ZPBP: variants seen among roughly 807,000 people sequenced by gnomAD.
The protein encoded by ZPBP is zona pellucida-binding protein 1.
A neutral mutation model predicts 44.8 loss-of-function variants in ZPBP; 26 were observed. That is an observed-to-expected ratio of 0.58 (90% CI 0.43 to 0.81). The LOEUF (loss-of-function observed/expected upper bound fraction) is 0.81. ZPBP is among the 30% of genes least tolerant of loss of function. The pLI, the probability that ZPBP is intolerant of heterozygous loss-of-function variation, is 0.00. For missense variants in ZPBP, 409 were observed against 434.0 expected (o/e 0.94, Z 0.51); for synonymous variants, 174 against 153.2 (o/e 1.14, Z -1.00).
intron 6 of ZPBP, among the ~76,000 whole-genome samples, chr7:49,998,892 A>G (rs567927129): frequency 2.0e-5 from 3 of 152,256 alleles, no homozygotes; most frequent in African/African-American, 7.2e-5. Flanking sequence ...CACACCACAC[A>G]CAAATGCACA....
chr7:50,071,784 C>A (rs1801851723), intron 3 of ZPBP, among the ~76,000 whole-genome samples: 1 of 151,992 alleles, frequency 6.6e-6, no homozygotes, highest in African/African-American at 2.4e-5. Flanking sequence ...AGGGAACCTG[C>A]TGCCTTAAAA....
chr7:50,016,248 A>G (rs1045703142), intron 6 of ZPBP, among the ~76,000 whole-genome samples: 4 of 152,204 alleles, frequency 2.6e-5, no homozygotes, highest in African/African-American at 9.6e-5. Context: ...GAACTAAATT[A>G]TGTCCTTTGC....
In ZPBP at chr7:49,874,879, C is replaced by T. The variant is rs976175333; in HGVS notation, n.510-24365G>A. On this transcript the variant is annotated intron_variant and non_coding_transcript_variant, in intron 2 of 2. Coordinates refer to the ZPBP transcript ENST00000465922. ...TTCAGAGAGTATGGCCAGAACCTGC[C>T]TGTTGGTTCTTCCTATTTGTATGAG... 1.1e-3 allele frequency among the ~76,000 whole-genome samples: 162 copies of T among 152,050 alleles called. 2 individuals carry two copies. The highest frequency in any genetic ancestry group is 2.5e-4 in the Non-Finnish European group (17 of 68,008).
At chr7:50,034,870 T>C (rs973404761) in intron 4 of ZPBP, among the ~76,000 whole-genome samples, 2 of 152,230 alleles carry the variant, frequency 1.3e-5, no homozygotes, top group African/African-American at 2.4e-5. Flanking sequence ...TAAAACTTTC[T>C]AAAACTAAAG....
chr7:50,072,387 C>G (rs955199772), intron 3 of ZPBP, among the ~76,000 whole-genome samples: 1 of 152,216 alleles, frequency 6.6e-6, no homozygotes, highest in Non-Finnish European at 1.5e-5. Flanking sequence ...TCCCTGAATC[C>G]CAGACAGCAC....
chr7:50,002,208 C>T (rs1213603130), intron 6 of ZPBP, among the ~76,000 whole-genome samples: 1 of 152,100 alleles, frequency 6.6e-6, no homozygotes, highest in Non-Finnish European at 1.5e-5. Context: ...TCTTACATGG[C>T]AGCAGGCAAG....
chr7:50,066,424 G>A lies in ZPBP; in HGVS notation c.335-8283C>T, dbSNP rs182220523. Among the ~76,000 whole-genome samples, 39 of 138,404 alleles carry A rather than the reference G, an allele frequency of 2.8e-4. 1 individual carries two copies. The highest frequency in any genetic ancestry group is 2.4e-3 in the Admixed American group (34 of 14,384). 90.8% of individuals were successfully genotyped at this position (138,404 alleles called of 152,430 possible). On this transcript the variant is annotated intron_variant, in intron 3 of 7. Coordinates refer to ENST00000046087, the MANE Select transcript of ZPBP (RefSeq NM_007009.3). ...CTAACCTGGTTCCTGTATATTTATAGTAGGTATGGTAGAGTTGTAACTATG... is the reference window on the plus strand; with the variant it reads ...CTAACCTGGTTCCTGTATATTTATAATAGGTATGGTAGAGTTGTAACTATG...
At position 49,958,712 on chromosome 7, in the gene ZPBP, T is replaced by C. The variant is rs368603497; in HGVS notation, c.962-21090A>G. On this transcript the variant is annotated intron_variant, in intron 7 of 7. Coordinates refer to ENST00000046087, the MANE Select transcript of ZPBP (RefSeq NM_007009.3). The stretch of plus-strand genomic sequence containing the variant: ...TCTATGATAGCAGCACAAAACAGAC[T>C]AAGACAGTGCTTTATTAGTGCAGGG... Among the ~76,000 whole-genome samples, 12 of 152,322 alleles carry C rather than the reference T, an allele frequency of 7.9e-5. No individual in the cohort carries two copies. The East Asian group carries it at 2.3e-3, about 29-fold the overall frequency.
chr7:49,938,371 A>G (rs1268983303), intron 7 of ZPBP, among the ~76,000 whole-genome samples: 2 of 152,200 alleles, frequency 1.3e-5, no homozygotes, highest in African/African-American at 4.8e-5. Context: ...CATGAATTTG[A>G]TTAAATGATG....
At position 49,874,446 on chromosome 7, in the gene ZPBP, G is replaced by T. The variant is rs989843000; in HGVS notation, n.510-23932C>A. On this transcript the variant is annotated intron_variant and non_coding_transcript_variant, in intron 2 of 2. Transcript: ENST00000465922. ...GGTGTGTAGAAGGCTGTACTATCTAGGTCTGTGCAAGTGCACCCTCTGATG... is the reference window on the plus strand; with the variant it reads ...GGTGTGTAGAAGGCTGTACTATCTATGTCTGTGCAAGTGCACCCTCTGATG... 6.6e-4 allele frequency among the ~76,000 whole-genome samples: 100 copies of T among 151,958 alleles called. 1 individual carries two copies. Among genetic ancestry groups the T allele is most frequent in the African/African-American group, 2.1e-3 (88 of 41,458 alleles).
intron 2 of ZPBP, among the ~76,000 whole-genome samples, chr7:49,875,368 T>TGAAAAA: frequency 7.5e-4 from 1 of 1,342 alleles, no homozygotes; most frequent in Non-Finnish European, 1.3e-3. Context: ...AGATTCTGAC[T>TGAAAAA]CAAAAAAAAA....
At chr7:50,032,514 T>G (rs1799647546) in intron 4 of ZPBP, among the ~76,000 whole-genome samples, 1 of 152,298 alleles carries the variant, frequency 6.6e-6, no homozygotes, top group African/African-American at 2.4e-5. Flanking sequence ...TATACTCTTC[T>G]GAGTGTCCAG....
At chr7:50,034,092 A>C (rs923268935) in intron 4 of ZPBP, among the ~76,000 whole-genome samples, 4 of 152,114 alleles carry the variant, frequency 2.6e-5, no homozygotes, top group African/African-American at 7.2e-5. Flanking sequence ...GAAATAGGTG[A>C]CCAGAGAGAG....
At chr7:49,988,504 T>C (rs1411869463) in intron 6 of ZPBP, among the ~76,000 whole-genome samples, 3 of 152,206 alleles carry the variant, frequency 2.0e-5, no homozygotes, top group Admixed American at 2.0e-4. Context: ...TTGTATGGGA[T>C]TTCTAAAATT....
At chr7:49,950,565 C>T (rs12531726) in intron 7 of ZPBP, among the ~76,000 whole-genome samples, 28,635 of 151,176 alleles carry the variant, frequency 0.19, 3,789 homozygotes, top group East Asian at 0.64. Flanking sequence ...CTTTAAAAGA[C>T]GTGTATATAT....
intron 7 of ZPBP, among the ~76,000 whole-genome samples, chr7:49,968,998 T>A (rs143275029): frequency 2.0e-4 from 31 of 151,826 alleles, no homozygotes; most frequent in African/African-American, 7.0e-4. Flanking sequence ...AATAGGCAAA[T>A]TAATTTATGG....
chr7:50,044,375 G>A (rs540200099), intron 4 of ZPBP, among the ~76,000 whole-genome samples: 1 of 152,186 alleles, frequency 6.6e-6, no homozygotes, highest in East Asian at 1.9e-4. Context: ...AATGAATCCA[G>A]GAGCTGGTTT....
intron 3 of ZPBP, among the ~76,000 whole-genome samples, chr7:50,067,965 A>G (rs1312466097): frequency 6.6e-6 from 1 of 152,160 alleles, no homozygotes; most frequent in African/African-American, 2.4e-5. Flanking sequence ...TCTAACTTAG[A>G]GTTAGAACCT....
intron 2 of ZPBP, among the ~76,000 whole-genome samples, chr7:50,085,071 G>A (rs1176144839): frequency 6.6e-6 from 1 of 152,040 alleles, no homozygotes; most frequent in Non-Finnish European, 1.5e-5. Flanking sequence ...AGTCTTTACT[G>A]AGGAAGTCAG....
Sources: gnomAD v4.1 joint callset for allele counts (sites outside exome capture counted in the v4.1 genomes callset) on GRCh38, gnomAD v4.1.1 for gene constraint, MANE v1.5 for transcripts, NCBI Gene and HGNC (gene_info 2026-07-23, HGNC 2026-07-21) for gene names.